XPR1: variants seen among roughly 807,000 people sequenced by gnomAD.
XPR1 encodes the protein solute carrier family 53 member 1.
Under a neutral mutation model 87.5 loss-of-function variants are expected in XPR1, and 28 were observed. The observed-to-expected ratio is 0.32, with a 90% CI of 0.24 to 0.44. The LOEUF (loss-of-function observed/expected upper bound fraction) is 0.44. Among genes scored for constraint, XPR1 ranks in the 20% least tolerant of loss-of-function variants. The pLI is 1.00. For synonymous variants in XPR1, 300 were observed against 306.1 expected (o/e 0.98, Z 0.21); for missense variants, 559 against 862.3 (o/e 0.65, Z 4.41).
At chr1:180,714,508 A>G (rs970577482) in intron 2 of XPR1, among the ~76,000 whole-genome samples, 2 of 151,614 alleles carry the variant, frequency 1.3e-5, no homozygotes, top group Non-Finnish European at 2.9e-5. Context: ...GGGCTCAAGC[A>G]TTCCTCCCAT....
intron 2 of XPR1, among the ~76,000 whole-genome samples, chr1:180,707,540 A>G (rs1379669925): frequency 6.6e-6 from 1 of 152,234 alleles, no homozygotes; most frequent in Non-Finnish European, 1.5e-5. Context: ...TAAAGTACCT[A>G]CATAACACTA....
intron 13 of XPR1, among the ~76,000 whole-genome samples, chr1:180,875,670 A>G (rs1652638333): frequency 6.6e-6 from 1 of 152,114 alleles, no homozygotes; most frequent in African/African-American, 2.4e-5. Flanking sequence ...AGAAAGATTT[A>G]AAAAACAGCA....
At position 180,758,933 on chromosome 1, in the gene XPR1, A is replaced by C. The variant is rs544739526; in HGVS notation, c.122-28820A>C. ...CAAACTGTCTCTCAGACCACAGTGCAATCAAACTAGAACTCAGGACTAAGA... is the reference window on the plus strand; with the variant it reads ...CAAACTGTCTCTCAGACCACAGTGCCATCAAACTAGAACTCAGGACTAAGA... On this transcript the variant is annotated intron_variant, in intron 2 of 14. Coordinates refer to ENST00000367590, the MANE Select transcript of XPR1 (RefSeq NM_004736.4). 5.9e-5 allele frequency: 9 copies of C among 152,338 alleles called. 1 individual carries two copies. Among genetic ancestry groups the C allele is most frequent in the African/African-American group, 2.2e-4 (9 of 41,432 alleles). The allele number at this position is 152,338 out of a possible 1,614,324, so 9.4% of individuals were successfully genotyped here. A position where few individuals can be genotyped will look rare whatever the true frequency, so the allele number is the denominator to read the frequency against.
Position 180,884,107 on chromosome 1 carries a change from C to G in XPR1, c.*41C>G. 6.3e-7 allele frequency: 1 copy of G among 1,596,822 alleles called. No homozygotes were observed. The highest frequency in any genetic ancestry group is 8.6e-7 in the Non-Finnish European group (1 of 1,165,890). On this transcript the variant is annotated 3_prime_UTR_variant, in exon 15 of 15. Coordinates refer to ENST00000367590, the MANE Select transcript of XPR1 (RefSeq NM_004736.4). ...GCTTAACATCTTTGGTTTTCCTACTCTACAATCCTTTCCTCGACCAACGCA... is the reference window on the plus strand; with the variant it reads ...GCTTAACATCTTTGGTTTTCCTACTGTACAATCCTTTCCTCGACCAACGCA...
chr1:180,875,588 C>G (rs1652636392), intron 13 of XPR1, among the ~76,000 whole-genome samples: 1 of 151,058 alleles, frequency 6.6e-6, no homozygotes, highest in Non-Finnish European at 1.5e-5. Context: ...TAAAATGCAG[C>G]TAGGGCCATG....
intron 11 of XPR1, among the ~76,000 whole-genome samples, chr1:180,841,698 C>T (rs528251780): frequency 1.3e-5 from 2 of 152,214 alleles, no homozygotes; most frequent in Non-Finnish European, 2.9e-5. Flanking sequence ...ACTCACCGAA[C>T]ACTATTCAGT....
chr1:180,632,117 C>A lies in XPR1; in HGVS notation c.-85C>A. On this transcript the variant is annotated 5_prime_UTR_variant, in exon 1 of 15. Coordinates refer to ENST00000367590, the MANE Select transcript of XPR1 (RefSeq NM_004736.4). ...AGCGCAGCGCCGCGCCGCGCCGGGG[C>A]CCATGTGGGGAGGAGTCGGAGTCGC... The A allele has an allele frequency of 1.3e-6, 2 of 1,495,698 alleles. No individual in the cohort carries two copies. Among genetic ancestry groups the A allele is most frequent in the Admixed American group, 2.0e-5 (1 of 51,220 alleles). The allele number at this position is 1,495,698 out of a possible 1,614,324, so 92.7% of individuals were successfully genotyped here. A position where few individuals can be genotyped will look rare whatever the true frequency, so the allele number is the denominator to read the frequency against.
chr1:180,632,177 G>A lies in XPR1; in HGVS notation c.-25G>A, dbSNP rs368840063. The A allele has an allele frequency of 3.1e-6, 5 of 1,598,592 alleles. No homozygotes were observed. The African/African-American group carries it at 6.7e-5, about 21-fold the overall frequency. On this transcript the variant is annotated 5_prime_UTR_variant, in exon 1 of 15. The change creates a new upstream start codon in the 5' untranslated region. Coordinates refer to ENST00000367590, the MANE Select transcript of XPR1 (RefSeq NM_004736.4). Reference sequence around the variant, plus strand: ...CGCCGCCTGTAGCTGCTGGACCCGAGTGGGAGTGAGGGGGAAACGGCAGGA... The same window carrying A: ...CGCCGCCTGTAGCTGCTGGACCCGAATGGGAGTGAGGGGGAAACGGCAGGA...
chr1:180,772,347 C>T (rs1329204253), intron 2 of XPR1, among the ~76,000 whole-genome samples: 1 of 152,144 alleles, frequency 6.6e-6, no homozygotes, highest in East Asian at 1.9e-4. Context: ...AACTTCGTCT[C>T]CTAAGACCCC....
At chr1:180,817,795 A>G (rs371298651) in intron 7 of XPR1, among the ~76,000 whole-genome samples, 4 of 152,222 alleles carry the variant, frequency 2.6e-5, no homozygotes, top group Non-Finnish European at 5.9e-5. Context: ...ATGGATAGCA[A>G]TTGGAAAGAA....
chr1:180,760,578 A>G (rs530010248), intron 2 of XPR1, among the ~76,000 whole-genome samples: 1 of 152,334 alleles, frequency 6.6e-6, no homozygotes, highest in East Asian at 1.9e-4. Flanking sequence ...GACCTCTTCA[A>G]GGAGAACTAC....
At chr1:180,685,197 C>T (rs140722118) in intron 2 of XPR1, among the ~76,000 whole-genome samples, 89 of 151,874 alleles carry the variant, frequency 5.9e-4, no homozygotes, top group African/African-American at 2.1e-3. Context: ...TAGCATGAAG[C>T]GTTGTTGAAT....
In XPR1 at chr1:180,883,972, A is replaced by ACT. The variant is rs1046663133; in HGVS notation, c.2031-33_2031-32dup. On this transcript the variant is annotated intron_variant, in intron 14 of 14. Coordinates refer to ENST00000367590, the MANE Select transcript of XPR1 (RefSeq NM_004736.4). ...GAAAGTGTTTATATTTGGGTAATGG[A>ACT]CTAAGTGCTTTTTGTCCCCCTTGTT... is the stretch of plus-strand genomic sequence containing the variant. 4 of 1,600,576 alleles carry ACT rather than the reference A, an allele frequency of 2.5e-6. No individual in the cohort carries two copies. The African/African-American group carries it at 5.4e-5, about 21-fold the overall frequency.
intron 11 of XPR1, among the ~76,000 whole-genome samples, chr1:180,852,575 G>T (rs1042954279): frequency 2.0e-5 from 3 of 152,188 alleles, no homozygotes; most frequent in South Asian, 2.1e-4. Context: ...TTGAGACAGG[G>T]TCTCACTCTG....
At chr1:180,695,408 T>TTTTG (rs1553237546) in intron 2 of XPR1, among the ~76,000 whole-genome samples, 8 of 148,544 alleles carry the variant, frequency 5.4e-5, no homozygotes, top group African/African-American at 2.0e-4. Context: ...GTAGTCCCAT[T>TTTTG]TGTGTGTGTG....
intron 2 of XPR1, among the ~76,000 whole-genome samples, chr1:180,731,294 T>C (rs1347697104): frequency 1.3e-5 from 2 of 152,174 alleles, no homozygotes; most frequent in South Asian, 2.1e-4. Flanking sequence ...TAATCACTAA[T>C]AAAAGTATTG....
rs1268114479 is a variant in XPR1 at position 180,652,698 on chromosome 1, T to C, written c.69+20428T>C. 2.6e-5 allele frequency among the ~76,000 whole-genome samples: 4 copies of C among 152,236 alleles called. No individual in the cohort carries two copies. In the East Asian group the frequency reaches 7.7e-4, roughly 29 times the overall value. On this transcript the variant is annotated intron_variant, in intron 1 of 14. Transcript: ENST00000367590. Reference sequence around the variant, plus strand: ...CTTTGATCAAGACAAACCAAAGATGTTGCATATGATGTAATAACATGTAAA... The same window carrying C: ...CTTTGATCAAGACAAACCAAAGATGCTGCATATGATGTAATAACATGTAAA...
At chr1:180,650,200 C>G (rs1203963084) in intron 1 of XPR1, among the ~76,000 whole-genome samples, 1 of 151,954 alleles carries the variant, frequency 6.6e-6, no homozygotes, top group Non-Finnish European at 1.5e-5. Context: ...GTCAGTCTGT[C>G]ATTTTTTACT....
chr1:180,802,590 G>A (rs975057509), intron 3 of XPR1, among the ~76,000 whole-genome samples: 1 of 152,094 alleles, frequency 6.6e-6, no homozygotes, highest in East Asian at 1.9e-4. Context: ...GGTTTTTAGT[G>A]TATTCACAAG....
Sources: allele counts gnomAD v4.1 joint callset (sites outside exome capture counted in the v4.1 genomes callset), GRCh38; gene constraint gnomAD v4.1.1; transcripts MANE v1.5; gene names NCBI Gene and HGNC (gene_info 2026-07-23, HGNC 2026-07-21).